Variants in IGF2R observed in about 807,000 individuals in gnomAD.
The protein encoded by IGF2R is insulin like growth factor 2 receptor.
Under a neutral mutation model 270.6 loss-of-function variants are expected in IGF2R, and 91 were observed. That is an observed-to-expected ratio of 0.34 (90% CI 0.28 to 0.40). IGF2R has a LOEUF of 0.40. IGF2R is among the 10% of genes least tolerant of loss of function. IGF2R has a pLI of 1.00. For synonymous variants in IGF2R, 1,316 were observed against 1,258.9 expected, an observed-to-expected ratio of 1.05 and a Z score of -0.96; for missense variants, 2,805 against 3,188.3, an observed-to-expected ratio of 0.88 and a Z score of 2.90.
At chr6:160,058,248 G>T in intron 21 of IGF2R, 124 bp downstream of exon 21, 1 of 659,616 alleles carries the variant, frequency 1.5e-6, no homozygotes, top group Admixed American at 2.5e-5. Flanking sequence ...CTCTTACTCA[G>T]AAGGAGATGG....
chr6:160,064,566 C>G, intron 28 of IGF2R, 35 bp downstream of exon 28: 1 of 1,609,584 alleles, frequency 6.2e-7, no homozygotes, highest in Non-Finnish European at 8.5e-7. Context: ...GCGGGGTCTT[C>G]TCCCCACCCT....
intron 1 of IGF2R, among the ~76,000 whole-genome samples, chr6:159,978,164 C>T (rs1583237687): frequency 6.6e-6 from 1 of 152,242 alleles, no homozygotes; most frequent in Middle Eastern, 3.4e-3. Context: ...TGGCACTCCA[C>T]GTAAGCTTCC....
intron 39 of IGF2R, among the ~76,000 whole-genome samples, chr6:160,081,545 C>T (rs549519236): frequency 5.9e-5 from 9 of 152,264 alleles, no homozygotes; most frequent in East Asian, 1.9e-4. Context: ...AGCAGAGAAC[C>T]GGTTTAACTA....
chr6:159,982,519 T>A (rs1237399208), intron 1 of IGF2R, among the ~76,000 whole-genome samples: 1 of 152,262 alleles, frequency 6.6e-6, no homozygotes, highest in African/African-American at 2.4e-5. Flanking sequence ...CCATGTATCT[T>A]GTTATGTGAA....
At chr6:160,036,209 C>G (rs7763887) in intron 10 of IGF2R, among the ~76,000 whole-genome samples, 243 of 152,284 alleles carry the variant, frequency 1.6e-3, no homozygotes, top group African/African-American at 5.7e-3. Flanking sequence ...AGTGTGGCCT[C>G]TGGATGGACC....
chr6:160,024,946 G>T (rs1255298578), intron 5 of IGF2R, among the ~76,000 whole-genome samples: 1 of 152,024 alleles, frequency 6.6e-6, no homozygotes, highest in Non-Finnish European at 1.5e-5. Flanking sequence ...TTCCATGTGG[G>T]TGTTCTCTCG....
At chr6:160,065,814 G>GTATGTATA (rs1778567787) in intron 29 of IGF2R, among the ~76,000 whole-genome samples, 1 of 78,392 alleles carries the variant, frequency 1.3e-5, no homozygotes, top group African/African-American at 5.6e-5. Context: ...GTGTGTGTGT[G>GTATGTATA]TATATATATA....
intron 9 of IGF2R, 45 bp downstream of exon 9, chr6:160,033,152 C>G (rs1562350710): frequency 6.7e-7 from 1 of 1,484,748 alleles, no homozygotes. Flanking sequence ...CTTTGTATTT[C>G]TTGAGATAGG....
chr6:159,983,810 A>G (rs1438543533), intron 1 of IGF2R, among the ~76,000 whole-genome samples: 4 of 152,222 alleles, frequency 2.6e-5, no homozygotes, highest in African/African-American at 9.6e-5. Context: ...TAGAGTTCAC[A>G]AGCTGCTTAC....
At chr6:160,087,780 A>G (rs1048562969) in intron 41 of IGF2R, among the ~76,000 whole-genome samples, 2 of 152,150 alleles carry the variant, frequency 1.3e-5, no homozygotes, top group Non-Finnish European at 2.9e-5. Flanking sequence ...GGTTCAAGCA[A>G]TTCTCCTGCC....
At position 160,106,685 on chromosome 6, in the gene IGF2R, G is replaced by A. The variant is rs563889399; in HGVS notation, c.*1601G>A. 6.6e-6 allele frequency: 1 copy of A among 152,134 alleles called. No homozygotes were observed. Among genetic ancestry groups the A allele is most frequent in the East Asian group, 1.9e-4 (1 of 5,174 alleles). The allele number at this position is 152,134 out of a possible 1,614,324, so 9.4% of individuals were successfully genotyped here. A position where few individuals can be genotyped will look rare whatever the true frequency, so the allele number is the denominator to read the frequency against. On this transcript the variant is annotated 3_prime_UTR_variant, in exon 48 of 48. Transcript: ENST00000356956. Reference sequence around the variant, plus strand: ...GGTGTTCTCGTTGACCCTTTATGAGGCAGCACTTTCATTTTTCTCCAGAGT... The same window carrying A: ...GGTGTTCTCGTTGACCCTTTATGAGACAGCACTTTCATTTTTCTCCAGAGT...
intron 7 of IGF2R, 89 bp downstream of exon 7, chr6:160,029,744 G>C (rs1777653487): frequency 1.2e-6 from 1 of 856,262 alleles, no homozygotes; most frequent in East Asian, 2.6e-5. Context: ...GGCAGGGTGG[G>C]CCTGGATGCA....
chr6:160,059,189 A>G, intron 22 of IGF2R, 91 bp downstream of exon 22: 1 of 1,041,558 alleles, frequency 9.6e-7, no homozygotes, highest in Non-Finnish European at 1.4e-6. Flanking sequence ...GGATGTGCAC[A>G]TCCCCCGCCA....
chr6:159,995,761 A>C (rs1304034647), intron 2 of IGF2R, among the ~76,000 whole-genome samples: 1 of 151,658 alleles, frequency 6.6e-6, no homozygotes, highest in Non-Finnish European at 1.5e-5. Flanking sequence ...TGGTTTTTTG[A>C]CTTTCTCTTG....
chr6:160,042,297 T>G (rs991798003), intron 11 of IGF2R, among the ~76,000 whole-genome samples: 7 of 152,214 alleles, frequency 4.6e-5, no homozygotes, highest in Non-Finnish European at 7.3e-5. Context: ...TCTTTTAGGC[T>G]GTTGACATTG....
chr6:160,065,848 A>ATT (rs958600824), intron 29 of IGF2R, among the ~76,000 whole-genome samples: 2 of 123,128 alleles, frequency 1.6e-5, no homozygotes, highest in African/African-American at 6.0e-5. Flanking sequence ...ATATATATGT[A>ATT]TTTTTTTTGA....
intron 16 of IGF2R, 111 bp downstream of exon 16, chr6:160,047,447 T>G (rs1156237485): frequency 2.1e-6 from 2 of 941,166 alleles, no homozygotes; most frequent in African/African-American, 3.3e-5. Context: ...ATCATCACCG[T>G]CATTAGATTT....
At chr6:160,083,014 C>T (rs1166775846) in intron 39 of IGF2R, among the ~76,000 whole-genome samples, 2 of 152,342 alleles carry the variant, frequency 1.3e-5, no homozygotes, top group South Asian at 4.1e-4. Context: ...AGAGAAACAA[C>T]AGTGGGCCCA....
At chr6:159,973,057 T>C (rs1479567877) in intron 1 of IGF2R, among the ~76,000 whole-genome samples, 1 of 152,108 alleles carries the variant, frequency 6.6e-6, no homozygotes, top group African/African-American at 2.4e-5. Flanking sequence ...GCTAGTGTGA[T>C]AGGCTGTGGG....
Sources: allele counts gnomAD v4.1 joint callset (sites outside exome capture counted in the v4.1 genomes callset), GRCh38; gene constraint gnomAD v4.1.1; transcripts MANE v1.5; gene names NCBI Gene and HGNC (gene_info 2026-07-23, HGNC 2026-07-21).